NPSR1: variants seen among roughly 807,000 people sequenced by gnomAD.
NPSR1 encodes the protein neuropeptide S receptor 1.
NPSR1 carries 48 observed loss-of-function variants against 46.9 expected under a neutral mutation model. The observed-to-expected ratio is 1.02, with a 90% CI of 0.81 to 1.30. NPSR1 has a LOEUF of 1.30. Among genes scored for constraint, NPSR1 ranks in the 50% most tolerant of loss-of-function variants. The probability of loss-of-function intolerance (pLI) is 0.00; values close to 1 mark genes in which losing one functional copy is unlikely to be tolerated. For missense variants in NPSR1, 450 were observed against 449.5 expected (o/e 1.00, Z -0.01); for synonymous variants, 176 against 168.1 (o/e 1.05, Z -0.36).
chr7:34,863,639 T>C (rs1424221287), intron 8 of NPSR1, among the ~76,000 whole-genome samples: 1 of 151,856 alleles, frequency 6.6e-6, no homozygotes, highest in East Asian at 1.9e-4. Flanking sequence ...CATCATCAAT[T>C]GGTCATTAGA....
At chr7:34,752,160 T>C (rs1053220795) in intron 2 of NPSR1, 1 of 419,014 alleles carries the variant, frequency 2.4e-6, no homozygotes, top group Non-Finnish European at 4.4e-6. Context: ...AAACTATATG[T>C]CTACGTGTAA....
chr7:34,668,268 G>T (rs2128672588), intron 1 of NPSR1, among the ~76,000 whole-genome samples: 1 of 152,212 alleles, frequency 6.6e-6, no homozygotes, highest in Non-Finnish European at 1.5e-5. Context: ...CTCAAATGCA[G>T]GTTTCTCATC....
intron 3 of NPSR1, among the ~76,000 whole-genome samples, chr7:34,797,121 T>C (rs912971756): frequency 1.3e-5 from 2 of 152,180 alleles, no homozygotes; most frequent in Non-Finnish European, 1.5e-5. Flanking sequence ...ATTCCAACTT[T>C]ATGACATTCT....
At chr7:34,666,451 T>C (rs1436731011) in intron 1 of NPSR1, among the ~76,000 whole-genome samples, 1 of 152,144 alleles carries the variant, frequency 6.6e-6, no homozygotes, top group African/African-American at 2.4e-5. Context: ...ATTTTTCCTT[T>C]TCTGATGAAA....
intron 6 of NPSR1, among the ~76,000 whole-genome samples, chr7:34,843,279 T>C (rs1269123933): frequency 6.6e-6 from 1 of 152,202 alleles, no homozygotes; most frequent in Non-Finnish European, 1.5e-5. Context: ...GCAGGGCACT[T>C]GCAACTGGCA....
chr7:34,676,546 A>G (rs1355064523), intron 1 of NPSR1, among the ~76,000 whole-genome samples: 1 of 152,182 alleles, frequency 6.6e-6, no homozygotes, highest in Admixed American at 6.5e-5. Flanking sequence ...GGAGGGGGAC[A>G]TGCACGCATA....
At chr7:34,788,476 C>T (rs1157914952) in intron 3 of NPSR1, among the ~76,000 whole-genome samples, 1 of 151,976 alleles carries the variant, frequency 6.6e-6, no homozygotes, top group African/African-American at 2.4e-5. Flanking sequence ...AAAAGATATT[C>T]CATGCAAGTG....
intron 4 of NPSR1, among the ~76,000 whole-genome samples, chr7:34,820,739 C>T (rs928068543): frequency 2.0e-5 from 3 of 151,788 alleles, no homozygotes; most frequent in African/African-American, 7.3e-5. Context: ...ATGGGGTGGG[C>T]GAAGCTTCCA....
rs1790847464 is a variant in NPSR1, at chr7:34,849,103, AT to A, written c.1025+442del. On this transcript the variant is annotated intron_variant, in intron 8 of 8. Coordinates refer to ENST00000360581, the MANE Select transcript of NPSR1 (RefSeq NM_207172.2). ...TTAAATCCCTCCCACAGTTATTGTCATTCTTCTGTTTTTCTGCTGTTTTTCA... is the reference window on the plus strand; with the variant it reads ...TTAAATCCCTCCCACAGTTATTGTCATCTTCTGTTTTTCTGCTGTTTTTCA... Among the ~76,000 whole-genome samples, 3 of 152,370 alleles carry A rather than the reference AT, an allele frequency of 2.0e-5. No individual in the cohort carries two copies. In the South Asian group the frequency reaches 6.2e-4, roughly 32 times the overall value.
At chr7:34,867,226 A>T (rs762776934) in intron 8 of NPSR1, among the ~76,000 whole-genome samples, 12 of 151,868 alleles carry the variant, frequency 7.9e-5, no homozygotes, top group African/African-American at 1.5e-4. Flanking sequence ...TCAACCTCCA[A>T]AACAGAGCAG....
chr7:34,812,835 A>G (rs1311914975), intron 4 of NPSR1, among the ~76,000 whole-genome samples: 1 of 152,238 alleles, frequency 6.6e-6, no homozygotes, highest in Admixed American at 6.5e-5. Context: ...ATTATTTAAA[A>G]AGTGACAAAA....
intron 3 of NPSR1, among the ~76,000 whole-genome samples, chr7:34,810,331 A>G (rs1476265403): frequency 1.3e-5 from 2 of 152,188 alleles, no homozygotes; most frequent in African/African-American, 4.8e-5. Flanking sequence ...CTTCAAATAT[A>G]TTTCATTTAA....
At chr7:34,869,737 C>G (rs1584160715) in intron 8 of NPSR1, among the ~76,000 whole-genome samples, 1 of 151,782 alleles carries the variant, frequency 6.6e-6, no homozygotes, top group Admixed American at 6.6e-5. Context: ...AAACCAAAGA[C>G]CAAAAGTCCC....
chr7:34,870,762 C>G (rs924899615), intron 8 of NPSR1, among the ~76,000 whole-genome samples: 12 of 151,734 alleles, frequency 7.9e-5, no homozygotes, highest in Admixed American at 7.9e-4. Context: ...TTGTGAGGCT[C>G]TGGATACTCC....
chr7:34,823,480 C>T (rs1584100123), intron 4 of NPSR1, among the ~76,000 whole-genome samples: 1 of 145,586 alleles, frequency 6.9e-6, no homozygotes, highest in East Asian at 2.0e-4. Flanking sequence ...TAAAGAATTG[C>T]AAAATTGAAC....
At chr7:34,704,393 T>A (rs762666771) in intron 2 of NPSR1, among the ~76,000 whole-genome samples, 7 of 152,230 alleles carry the variant, frequency 4.6e-5, no homozygotes, top group Non-Finnish European at 7.3e-5. Context: ...TTTTAATTTC[T>A]ACGTGACCAT....
At chr7:34,775,442 A>T (rs1786911399) in intron 2 of NPSR1, among the ~76,000 whole-genome samples, 1 of 152,158 alleles carries the variant, frequency 6.6e-6, no homozygotes. Flanking sequence ...TGTTTGGTAT[A>T]ATTCAGCAGA....
At chr7:34,735,520 C>G (rs1257181696) in intron 2 of NPSR1, among the ~76,000 whole-genome samples, 1 of 152,116 alleles carries the variant, frequency 6.6e-6, no homozygotes, top group African/African-American at 2.4e-5. Context: ...TATGCCTTCC[C>G]TCCAAAGAAT....
chr7:34,736,390 C>T (rs1398297555), intron 2 of NPSR1, among the ~76,000 whole-genome samples: 1 of 152,126 alleles, frequency 6.6e-6, no homozygotes, highest in Non-Finnish European at 1.5e-5. Flanking sequence ...AGATTGAATT[C>T]CACAGTCATT....
Sources: gnomAD v4.1 joint callset for allele counts (sites outside exome capture counted in the v4.1 genomes callset) on GRCh38, gnomAD v4.1.1 for gene constraint, MANE v1.5 for transcripts, NCBI Gene and HGNC (gene_info 2026-07-23, HGNC 2026-07-21) for gene names.